TG: variants seen among roughly 807,000 people sequenced by gnomAD.
TG encodes the protein thyroid hormones.
A neutral mutation model predicts 324.7 loss-of-function variants in TG; 270 were observed. The observed-to-expected ratio is 0.83, with a 90% confidence interval of 0.75 to 0.92. The LOEUF (loss-of-function observed/expected upper bound fraction) is 0.92, where lower values mean the gene tolerates loss of function less well. TG is among the 40% of genes least tolerant of loss of function. TG has a pLI of 0.00. For missense variants in TG, 3,591 were observed against 3,456.4 expected (o/e 1.04, Z -0.98); for synonymous variants, 1,401 against 1,327.0 (o/e 1.06, Z -1.21).
chr8:133,058,669 G>A (rs1228917106), intron 41 of TG, among the ~76,000 whole-genome samples: 1 of 152,196 alleles, frequency 6.6e-6, no homozygotes, highest in Non-Finnish European at 1.5e-5. Context: ...GTGAGAAAGA[G>A]CCCGGCATTC....
At chr8:132,936,294 G>A (rs1012287320) in intron 25 of TG, among the ~76,000 whole-genome samples, 3 of 152,298 alleles carry the variant, frequency 2.0e-5, no homozygotes, top group Non-Finnish European at 4.4e-5. Flanking sequence ...CCTGGGTGCC[G>A]GGCTCCCAGC....
intron 27 of TG, among the ~76,000 whole-genome samples, chr8:132,950,947 G>T (rs945268682): frequency 3.3e-5 from 5 of 152,166 alleles, no homozygotes; most frequent in African/African-American, 1.2e-4. Context: ...GTCCCGGTTT[G>T]CCAGCTGAAG....
At chr8:133,110,937 C>T (rs758767308) in intron 43 of TG, among the ~76,000 whole-genome samples, 1 of 152,172 alleles carries the variant, frequency 6.6e-6, no homozygotes, top group Non-Finnish European at 1.5e-5. Flanking sequence ...GCTTTGTTCA[C>T]TTCATCTTCA....
intron 35 of TG, chr8:132,988,711 T>C: frequency 1.0e-6 from 1 of 985,460 alleles, no homozygotes; most frequent in Non-Finnish European, 1.2e-6. Context: ...TTAAAAGGCT[T>C]ACACCAACCA....
At chr8:132,901,818 C>T (rs560149952) in intron 16 of TG, among the ~76,000 whole-genome samples, 244 of 152,184 alleles carry the variant, frequency 1.6e-3, no homozygotes, top group Non-Finnish European at 2.4e-3. Context: ...CTGTCCTGCC[C>T]GGGAGTTTTG....
intron 35 of TG, among the ~76,000 whole-genome samples, chr8:132,992,600 T>C (rs1052509622): frequency 4.6e-5 from 7 of 152,160 alleles, no homozygotes; most frequent in African/African-American, 1.7e-4. Context: ...CTAAAGTATA[T>C]AGACACTGTG....
At chr8:133,113,078 C>T (rs1588126094) in intron 43 of TG, among the ~76,000 whole-genome samples, 1 of 152,286 alleles carries the variant, frequency 6.6e-6, no homozygotes, top group Non-Finnish European at 1.5e-5. Context: ...AAGTGAAACT[C>T]GGGGGTTTGA....
At chr8:132,935,724 A>G (rs763888150) in intron 24 of TG, 32 bp from the exon 25 acceptor site, 1 of 1,546,106 alleles carries the variant, frequency 6.5e-7, no homozygotes, top group East Asian at 2.2e-5. Context: ...AAAGTATTGC[A>G]GGATAATAAT....
chr8:133,133,810 C>CT lies in TG; in HGVS notation c.8188+151dup. ...CCCCTTCCTGTGAGTTGTTCATGGTCTGGGGAGCTCCATGTTGCCAAGGGC... is the reference window on the plus strand; with the variant it reads ...CCCCTTCCTGTGAGTTGTTCATGGTCTTGGGGAGCTCCATGTTGCCAAGGGC... On this transcript the variant is annotated intron_variant, in intron 47 of 47. Coordinates refer to ENST00000220616, the MANE Select transcript of TG (RefSeq NM_003235.5). The CT allele has an allele frequency of 3.3e-6, 3 of 896,566 alleles. No homozygotes were observed. The South Asian group carries it at 4.3e-5, about 13-fold the overall frequency. The allele number at this position is 896,566 out of a possible 1,614,324, so 55.5% of individuals were successfully genotyped here.
intron 40 of TG, among the ~76,000 whole-genome samples, chr8:133,027,434 G>T (rs1587800557): frequency 6.6e-6 from 1 of 152,218 alleles, no homozygotes; most frequent in Admixed American, 6.5e-5. Context: ...ATCAGAAGGG[G>T]CAAAGAGTGT....
Position 133,053,163 on chromosome 8 carries a change from C to A in TG, c.7239+23140C>A, listed in dbSNP as rs138348069. On this transcript the variant is annotated intron_variant, in intron 41 of 47. Coordinates refer to ENST00000220616, the MANE Select transcript of TG (RefSeq NM_003235.5). ...TTTGTCAACTCTAAACTCACCTCTG[C>A]AGAGGCTCCAGAGGAGGCTCAGCCT... Among the ~76,000 whole-genome samples the A allele has an allele frequency of 6.4e-3, 980 of 152,302 alleles. 15 individuals carry two copies. The highest frequency in any genetic ancestry group is 0.023 in the African/African-American group (946 of 41,550).
chr8:133,121,981 C>T (rs571812483), intron 45 of TG, among the ~76,000 whole-genome samples: 14 of 152,228 alleles, frequency 9.2e-5, no homozygotes, highest in African/African-American at 3.1e-4. Context: ...TCTCTCTCTG[C>T]CCCGGAGCTG....
intron 16 of TG, among the ~76,000 whole-genome samples, chr8:132,903,838 A>G (rs1818284028): frequency 6.6e-6 from 1 of 152,226 alleles, no homozygotes; most frequent in Non-Finnish European, 1.5e-5. Context: ...TCAGTGTCTC[A>G]ATCTGTGAAA....
At chr8:132,944,099 A>G (rs1490875196) in intron 26 of TG, among the ~76,000 whole-genome samples, 1 of 152,188 alleles carries the variant, frequency 6.6e-6, no homozygotes, top group Non-Finnish European at 1.5e-5. Flanking sequence ...ACCCTAAACC[A>G]GCCGATCTCA....
At chr8:132,955,770 G>T (rs1420598521) in intron 27 of TG, among the ~76,000 whole-genome samples, 2 of 152,190 alleles carry the variant, frequency 1.3e-5, no homozygotes, top group African/African-American at 4.8e-5. Flanking sequence ...TTCCGTTTAG[G>T]ATCCTGTCCA....
At chr8:132,871,316 G>A in intron 3 of TG, 32 bp from the exon 4 acceptor site, 1 of 1,611,990 alleles carries the variant, frequency 6.2e-7, no homozygotes, top group South Asian at 1.1e-5. Flanking sequence ...TTTCCCTGCA[G>A]TTCTATCTAA....
intron 35 of TG, among the ~76,000 whole-genome samples, chr8:132,985,862 C>T (rs1363438401): frequency 6.6e-6 from 1 of 152,080 alleles, no homozygotes; most frequent in Non-Finnish European, 1.5e-5. Context: ...CTGCTGTCTG[C>T]TCCTTGCGTT....
At chr8:132,929,214 T>A in intron 23 of TG, 22 bp downstream of exon 23, 1 of 1,573,130 alleles carries the variant, frequency 6.4e-7, no homozygotes, top group South Asian at 1.1e-5. Context: ...TGGGGAGATA[T>A]GCACTCAGAA....
intron 41 of TG, among the ~76,000 whole-genome samples, chr8:133,066,543 C>T (rs1374819424): frequency 6.6e-6 from 1 of 152,154 alleles, no homozygotes; most frequent in Non-Finnish European, 1.5e-5. Flanking sequence ...TTCTTATTTA[C>T]TTACACATTT....
Sources: allele counts gnomAD v4.1 joint callset (sites outside exome capture counted in the v4.1 genomes callset), GRCh38; gene constraint gnomAD v4.1.1; transcripts MANE v1.5; gene names NCBI Gene and HGNC (gene_info 2026-07-23, HGNC 2026-07-21).